The following GSDMC variants were observed in gnomAD, a reference collection of about 807,000 sequenced individuals.
The protein encoded by GSDMC is gasdermin-C.
In GSDMC, 59 loss-of-function variants were observed where a neutral mutation model predicts 58.0. The ratio of observed to expected loss-of-function variants is 1.02; its 90% CI spans 0.82 to 1.26. The LOEUF (loss-of-function observed/expected upper bound fraction) is 1.26. Ranked by LOEUF, GSDMC falls within the 50% of genes most tolerant of loss-of-function variation. The probability of loss-of-function intolerance (pLI) is 0.00; values close to 1 mark genes in which losing one functional copy is unlikely to be tolerated. For synonymous variants in GSDMC, 241 were observed against 220.2 expected, an observed-to-expected ratio of 1.09 and a Z score of -0.83; for missense variants, 659 against 598.5, an observed-to-expected ratio of 1.10 and a Z score of -1.06.
the GSDMC span, among the ~76,000 whole-genome samples, chr8:129,731,619 T>C: frequency 2.0e-5 from 3 of 152,330 alleles, no homozygotes; most frequent in South Asian, 6.2e-4. Flanking sequence ...ATTCTCTTTT[T>C]CTTGGAAGAG....
downstream of GSDMC, among the ~76,000 whole-genome samples, chr8:129,744,938 A>T (rs1002823694): frequency 6.6e-6 from 1 of 152,214 alleles, no homozygotes; most frequent in Non-Finnish European, 1.5e-5. Flanking sequence ...TCTCTGCCAC[A>T]AATGTATAAA....
intron 6 of GSDMC, among the ~76,000 whole-genome samples, chr8:129,757,844 T>C (rs1423757083): frequency 1.3e-5 from 2 of 151,792 alleles, no homozygotes; most frequent in Non-Finnish European, 2.9e-5. Context: ...ATACAAAAAT[T>C]AGCCAGGCAT....
chr8:129,746,867 G>A (rs1183155299), downstream of GSDMC, among the ~76,000 whole-genome samples: 4 of 152,106 alleles, frequency 2.6e-5, no homozygotes, highest in African/African-American at 7.3e-5. Context: ...CAAATATGAA[G>A]GGACTTGGGG....
At chr8:129,750,632 G>A in intron 10 of GSDMC, 62 bp from the exon 11 acceptor site, 2 of 1,531,630 alleles carry the variant, frequency 1.3e-6, no homozygotes, top group South Asian at 2.4e-5. Context: ...GAACATCCTT[G>A]GAATGACAGC....
chr8:129,749,039 G>A (rs1191918609), intron 13 of GSDMC, among the ~76,000 whole-genome samples: 1 of 152,120 alleles, frequency 6.6e-6, no homozygotes, highest in Non-Finnish European at 1.5e-5. Flanking sequence ...TGCATATAAA[G>A]GTATGTATTT....
the GSDMC span, among the ~76,000 whole-genome samples, chr8:129,709,861 C>T: frequency 2.6e-5 from 4 of 152,204 alleles, no homozygotes; most frequent in African/African-American, 9.7e-5. Context: ...TCTGAAATGA[C>T]CTTTCCCCAC....
downstream of GSDMC, among the ~76,000 whole-genome samples, chr8:129,745,544 G>A (rs992184334): frequency 6.6e-6 from 1 of 151,932 alleles, no homozygotes; most frequent in African/African-American, 2.4e-5. Context: ...TCTCTACTTG[G>A]ATAAATAATG....
At chr8:129,740,061 TAAAGAA>T in the GSDMC span, among the ~76,000 whole-genome samples, 1 of 151,546 alleles carries the variant, frequency 6.6e-6, no homozygotes, top group African/African-American at 2.4e-5. Context: ...AACTAAAAAA[TAAAGAA>T]AAAGAAATTT....
chr8:129,710,346 G>A, the GSDMC span, among the ~76,000 whole-genome samples: 4 of 152,150 alleles, frequency 2.6e-5, no homozygotes, highest in Non-Finnish European at 2.9e-5. Flanking sequence ...TAGACCTGCC[G>A]GCATAAAGGA....
the GSDMC span, among the ~76,000 whole-genome samples, chr8:129,740,999 C>T: frequency 0.13 from 19,407 of 152,008 alleles, 2,168 homozygotes; most frequent in African/African-American, 0.3. Flanking sequence ...GTCTTTTATC[C>T]GTTTTGAATT....
chr8:129,740,812 A>G, the GSDMC span, among the ~76,000 whole-genome samples: 2 of 152,092 alleles, frequency 1.3e-5, no homozygotes, highest in African/African-American at 4.8e-5. Context: ...CACTCTGTTA[A>G]TTTCTTCCTT....
At position 129,760,601 on chromosome 8, in the gene GSDMC, AG is replaced by A. The variant is rs1241892797; in HGVS notation, c.677-13del. The A allele has an allele frequency of 1.3e-6, 2 of 1,566,080 alleles. No individual in the cohort carries two copies. Among genetic ancestry groups the A allele is most frequent in the Non-Finnish European group, 1.8e-6 (2 of 1,137,472 alleles). On this transcript the variant is annotated splice_polypyrimidine_tract_variant and intron_variant, in intron 5 of 13. Transcript: ENST00000276708. ...TGAGATGAGAATGGCTGAATGGAAAAGAAGAACTTCCATTAGGAGAGTTGAG... is the reference window on the plus strand; with the variant it reads ...TGAGATGAGAATGGCTGAATGGAAAAAAGAACTTCCATTAGGAGAGTTGAG...
chr8:129,781,668 C>A (rs2130582471), intron 1 of GSDMC, among the ~76,000 whole-genome samples: 1 of 151,962 alleles, frequency 6.6e-6, no homozygotes, highest in East Asian at 1.9e-4. Context: ...TGGCGTGAAC[C>A]CAGGAGGTGG....
At chr8:129,758,714 A>T (rs2033538044) in intron 6 of GSDMC, among the ~76,000 whole-genome samples, 1 of 152,192 alleles carries the variant, frequency 6.6e-6, no homozygotes, top group South Asian at 2.1e-4. Context: ...GAAATTGAAG[A>T]AGACACCAAA....
chr8:129,736,056 A>C, the GSDMC span, among the ~76,000 whole-genome samples: 1 of 152,230 alleles, frequency 6.6e-6, no homozygotes, highest in South Asian at 2.1e-4. Context: ...GAAAATCTAG[A>C]AGAAATGGAT....
Position 129,776,204 on chromosome 8 carries a change from A to G in GSDMC, c.302T>C (p.Ile101Thr). Reference sequence around the variant, plus strand: ...GGCCTCCCCTGACACACTCACTTCTATACCAACATTCACACCCATGTCAGC... The same window carrying G: ...GGCCTCCCCTGACACACTCACTTCTGTACCAACATTCACACCCATGTCAGC... ...HKADMGVNVG[I>T]EVSVSGEASV... The change falls in exon 3 of 14, where the codon ATA (isoleucine) becomes ACA (threonine). Residue 101 changes from isoleucine (I) to threonine (T), a missense_variant. Ile to Thr is a moderately conservative substitution (Grantham distance 89). Coordinates refer to ENST00000276708, the MANE Select transcript of GSDMC (RefSeq NM_031415.3). 1.2e-6 allele frequency: 2 copies of G among 1,613,792 alleles called. No individual in the cohort carries two copies. The highest frequency in any genetic ancestry group is 1.7e-6 in the Non-Finnish European group (2 of 1,179,700).
chr8:129,760,129 T>C (rs1460449096), intron 6 of GSDMC, among the ~76,000 whole-genome samples: 1 of 152,208 alleles, frequency 6.6e-6, no homozygotes, highest in Non-Finnish European at 1.5e-5. Context: ...ACAAACATTT[T>C]ATGTTTTCAC....
the GSDMC span, among the ~76,000 whole-genome samples, chr8:129,719,085 T>C: frequency 6.6e-6 from 1 of 152,142 alleles, no homozygotes; most frequent in Non-Finnish European, 1.5e-5. Flanking sequence ...CTAATGTAGA[T>C]GACGAGTTGA....
chr8:129,740,479 C>T, the GSDMC span, among the ~76,000 whole-genome samples: 49,378 of 152,058 alleles, frequency 0.32, 11,611 homozygotes, highest in African/African-American at 0.65. Context: ...TTTACTACTT[C>T]AGATTTGTTT....
Sources: gnomAD v4.1 joint callset for allele counts (sites outside exome capture counted in the v4.1 genomes callset) on GRCh38, gnomAD v4.1.1 for gene constraint, MANE v1.5 for transcripts, NCBI Gene and HGNC (gene_info 2026-07-23, HGNC 2026-07-21) for gene names.